The following DPP10 variants were observed in gnomAD, a reference collection of about 807,000 sequenced individuals.
The protein encoded by DPP10 is dipeptidyl peptidase like 10.
A neutral mutation model predicts 120.9 loss-of-function variants in DPP10; 33 were observed. That is an observed-to-expected ratio of 0.27 (90% CI 0.21 to 0.37). The LOEUF is 0.37. Among genes scored for constraint, DPP10 ranks in the 10% least tolerant of loss-of-function variants. The probability of loss-of-function intolerance (pLI) is 1.00; values close to 1 mark genes in which losing one functional copy is unlikely to be tolerated. For missense variants in DPP10, 816 were observed against 942.8 expected (o/e 0.87, Z 1.76); for synonymous variants, 337 against 326.1 (o/e 1.03, Z -0.36).
chr2:114,629,627 T>C (rs959207082), intron 1 of DPP10, among the ~76,000 whole-genome samples: 1 of 152,134 alleles, frequency 6.6e-6, no homozygotes, highest in Non-Finnish European at 1.5e-5. Context: ...AGGGCAAAAA[T>C]GATGCCTGGC....
intron 1 of DPP10, among the ~76,000 whole-genome samples, chr2:114,525,196 G>T (rs191731065): frequency 8.0e-4 from 122 of 152,294 alleles, no homozygotes; most frequent in Non-Finnish European, 2.5e-4. Flanking sequence ...ATAAATAGAT[G>T]TTAGTGCATT....
chr2:115,587,259 A>G (rs928287598), intron 5 of DPP10, among the ~76,000 whole-genome samples: 1 of 151,416 alleles, frequency 6.6e-6, no homozygotes, highest in Non-Finnish European at 1.5e-5. Context: ...GACCACGCCC[A>G]GCTAATTTTT....
At chr2:114,458,182 G>A (rs1004307946) in intron 1 of DPP10, among the ~76,000 whole-genome samples, 1 of 152,164 alleles carries the variant, frequency 6.6e-6, no homozygotes, top group Non-Finnish European at 1.5e-5. Context: ...TATTCTGCCA[G>A]AGTTTCTTTC....
intron 1 of DPP10, among the ~76,000 whole-genome samples, chr2:115,037,205 A>G (rs1007389460): frequency 6.6e-6 from 1 of 152,192 alleles, no homozygotes; most frequent in Admixed American, 6.5e-5. Flanking sequence ...CCATTTAGTT[A>G]CTACTTCCTA....
chr2:115,215,166 G>A (rs768769283), intron 1 of DPP10, among the ~76,000 whole-genome samples: 1 of 152,184 alleles, frequency 6.6e-6, no homozygotes, highest in African/African-American at 2.4e-5. Flanking sequence ...TAGAACAAAA[G>A]TGTTGGCATT....
At chr2:115,555,199 T>G (rs2080132329) in intron 5 of DPP10, among the ~76,000 whole-genome samples, 1 of 152,088 alleles carries the variant, frequency 6.6e-6, no homozygotes, top group Non-Finnish European at 1.5e-5. Context: ...GAATATATTA[T>G]TTCCTATTTT....
intron 7 of DPP10, among the ~76,000 whole-genome samples, chr2:115,722,638 TC>T (rs1367804593): frequency 6.6e-6 from 1 of 152,052 alleles, no homozygotes; most frequent in Non-Finnish European, 1.5e-5. Context: ...TATCTTTGTA[TC>T]AAACATATAG....
At position 115,343,799 on chromosome 2, in the gene DPP10, G is replaced by C. The variant is rs137890853; in HGVS notation, c.176-18G>C. 4 of 1,584,914 alleles carry C rather than the reference G, an allele frequency of 2.5e-6. No individual in the cohort carries two copies. The highest frequency in any genetic ancestry group is 3.4e-6 in the Non-Finnish European group (4 of 1,161,918). ...AAGCATAAGATAGGCATCTAACCTAGAATTTCCTTTATTTTAGATGAACTC... is the reference window on the plus strand; with the variant it reads ...AAGCATAAGATAGGCATCTAACCTACAATTTCCTTTATTTTAGATGAACTC... On this transcript the variant is annotated intron_variant, in intron 2 of 25. Coordinates refer to ENST00000410059, the MANE Select transcript of DPP10 (RefSeq NM_020868.6).
chr2:114,865,878 C>T (rs958191716), intron 1 of DPP10, among the ~76,000 whole-genome samples: 5 of 152,072 alleles, frequency 3.3e-5, no homozygotes, highest in African/African-American at 9.6e-5. Flanking sequence ...TTTGACAGTC[C>T]GAGGTGGGTG....
At chr2:114,637,568 G>T (rs1281247302) in intron 1 of DPP10, among the ~76,000 whole-genome samples, 1 of 151,930 alleles carries the variant, frequency 6.6e-6, no homozygotes, top group Non-Finnish European at 1.5e-5. Context: ...CAAGGCTGAT[G>T]TCAAGAAGGG....
chr2:115,088,713 CG>C (rs1708948401), intron 1 of DPP10, among the ~76,000 whole-genome samples: 1 of 108,462 alleles, frequency 9.2e-6, no homozygotes, highest in Non-Finnish European at 1.7e-5. Context: ...CCCAAAGTGC[CG>C]GGATTAGGAT....
chr2:115,814,128 C>A (rs977542406), intron 19 of DPP10, among the ~76,000 whole-genome samples: 2 of 152,058 alleles, frequency 1.3e-5, no homozygotes, highest in African/African-American at 4.8e-5. Context: ...ATTTATGTGT[C>A]TTTCTTTCCT....
intron 3 of DPP10, 108 bp downstream of exon 3, chr2:115,344,020 C>G: frequency 1.2e-6 from 1 of 834,084 alleles, no homozygotes; most frequent in Non-Finnish European, 1.7e-6. Flanking sequence ...CCTGTCATCC[C>G]AGCACCTTGG....
intron 1 of DPP10, among the ~76,000 whole-genome samples, chr2:114,986,007 T>C (rs1455672649): frequency 3.3e-5 from 5 of 152,348 alleles, no homozygotes; most frequent in African/African-American, 1.2e-4. Context: ...ACTAAAGATA[T>C]ACTTTGTGAT....
chr2:114,758,073 A>G (rs1423740021), intron 1 of DPP10, among the ~76,000 whole-genome samples: 1 of 152,222 alleles, frequency 6.6e-6, no homozygotes, highest in South Asian at 2.1e-4. Flanking sequence ...GGTTCTCCAC[A>G]TGTGAACTTC....
At chr2:114,948,476 G>A (rs912818247) in intron 1 of DPP10, among the ~76,000 whole-genome samples, 5 of 151,998 alleles carry the variant, frequency 3.3e-5, no homozygotes, top group Admixed American at 6.6e-5. Flanking sequence ...GTCTCTGGGA[G>A]GTCACAGTCA....
intron 1 of DPP10, among the ~76,000 whole-genome samples, chr2:115,087,533 CTTTTCTTTTTT>C (rs796484131): frequency 2.2e-5 from 2 of 92,614 alleles, no homozygotes; most frequent in African/African-American, 3.6e-5. Context: ...CTTTTCTTTT[CTTTTCTTTTTT>C]TTTTTTTTTT....
chr2:114,888,326 T>C (rs1334887432), intron 1 of DPP10, among the ~76,000 whole-genome samples: 1 of 152,000 alleles, frequency 6.6e-6, no homozygotes, highest in Non-Finnish European at 1.5e-5. Context: ...ACTTTGAATA[T>C]ATCATTAAGG....
chr2:115,725,991 G>T (rs561857235), intron 7 of DPP10, among the ~76,000 whole-genome samples: 1 of 152,248 alleles, frequency 6.6e-6, no homozygotes, highest in Admixed American at 6.5e-5. Context: ...GAATCTGAGA[G>T]GTAATTCTCA....
Sources: allele counts gnomAD v4.1 joint callset (sites outside exome capture counted in the v4.1 genomes callset), GRCh38; gene constraint gnomAD v4.1.1; transcripts MANE v1.5; gene names NCBI Gene and HGNC (gene_info 2026-07-23, HGNC 2026-07-21).